FCHO2: variants seen among roughly 807,000 people sequenced by gnomAD.
FCHO2 encodes F-BAR domain only protein 2.
In FCHO2, 43 loss-of-function variants were observed where a neutral mutation model predicts 114.1. That is an observed-to-expected ratio of 0.38 (90% CI 0.30 to 0.49). The LOEUF (loss-of-function observed/expected upper bound fraction) is 0.49. Among genes scored for constraint, FCHO2 ranks in the 20% least tolerant of loss-of-function variants. The pLI, the probability that FCHO2 is intolerant of heterozygous loss-of-function variation, is 0.97. For synonymous variants in FCHO2, 293 were observed against 315.2 expected (o/e 0.93, Z 0.75); for missense variants, 807 against 950.4 (o/e 0.85, Z 1.98).
chr5:73,012,204 A>G (rs113819980), intron 6 of FCHO2, among the ~76,000 whole-genome samples: 2,522 of 152,290 alleles, frequency 0.017, 72 homozygotes, highest in African/African-American at 0.052. Flanking sequence ...ACGTTATGGC[A>G]GCTATGATGT....
chr5:73,047,562 CTT>C (rs200064211), intron 11 of FCHO2, among the ~76,000 whole-genome samples: 23 of 142,222 alleles, frequency 1.6e-4, no homozygotes, highest in East Asian at 4.1e-4. Flanking sequence ...AACTTTTTTC[CTT>C]TTTTTTTTTT....
chr5:73,062,938 C>T (rs1457130962), intron 17 of FCHO2, among the ~76,000 whole-genome samples: 2 of 152,050 alleles, frequency 1.3e-5, no homozygotes, highest in African/African-American at 2.4e-5. Flanking sequence ...TTTCTTCCCA[C>T]CCATTATATT....
At chr5:72,993,667 G>A (rs1163611289) in intron 5 of FCHO2, among the ~76,000 whole-genome samples, 1 of 152,094 alleles carries the variant, frequency 6.6e-6, no homozygotes, top group African/African-American at 2.4e-5. Context: ...TGAATTGCCT[G>A]TACAAACTTC....
intron 24 of FCHO2, among the ~76,000 whole-genome samples, chr5:73,084,924 T>C (rs1743242654): frequency 6.6e-6 from 1 of 152,222 alleles, no homozygotes; most frequent in South Asian, 2.1e-4. Flanking sequence ...CTAGTTTAAA[T>C]TGAAGTAAAC....
At chr5:73,081,147 T>C (rs1285278626) in intron 22 of FCHO2, among the ~76,000 whole-genome samples, 5 of 151,702 alleles carry the variant, frequency 3.3e-5, no homozygotes, top group Middle Eastern at 6.8e-3. Context: ...AGAAAATGAG[T>C]GGTATGGAAA....
intron 24 of FCHO2, among the ~76,000 whole-genome samples, chr5:73,086,651 G>A (rs919042791): frequency 1.3e-5 from 2 of 152,056 alleles, no homozygotes; most frequent in Admixed American, 6.5e-5. Context: ...TTGACTTGCA[G>A]TTGGTCTCCC....
rs375866039 is a variant in FCHO2 at position 73,052,401 on chromosome 5, G to A, written c.1067G>A (p.Arg356Gln). Residue 356 changes from arginine to glutamine, a missense_variant, in exon 13 of 26, where the codon CGG (arginine) becomes CAG (glutamine). Transcript: ENST00000430046. ...GAAGATGAAGAACCAAAGAAGTATC[G>A]GATAGAAATTAAGCCTATGCATCCA... The part of the protein sequence containing the change: ...DSEDEEPKKY[R>Q]IEIKPMHPNN... 23 of 1,606,276 alleles carry A rather than the reference G, an allele frequency of 1.4e-5. No individual in the cohort carries two copies. The highest frequency in any genetic ancestry group is 1.3e-4 in the African/African-American group (10 of 74,820).
chr5:73,000,369 G>C (rs747714562), intron 5 of FCHO2, among the ~76,000 whole-genome samples: 2 of 151,794 alleles, frequency 1.3e-5, no homozygotes, highest in Non-Finnish European at 2.9e-5. Flanking sequence ...TACTCAGGAG[G>C]CTGAGGCAGG....
In FCHO2 at chr5:72,989,491, T is replaced by A; in HGVS notation, c.190T>A (p.Ser64Thr). The part of the protein sequence containing the change: ...TKLAKSASNY[S>T]QLGTFAPVWD... ...ACTAGCAAAATCTGCAAGCAATTATTCACAACTTGGGTGAGTTAATTTCTT... is the reference window on the plus strand; with the variant it reads ...ACTAGCAAAATCTGCAAGCAATTATACACAACTTGGGTGAGTTAATTTCTT... Residue 64 changes from serine to threonine, a missense_variant, in exon 3 of 26, where the codon TCA becomes ACA. Ser to Thr is a moderately conservative substitution (Grantham distance 58). Coordinates refer to ENST00000430046, the MANE Select transcript of FCHO2 (RefSeq NM_138782.3). 6.2e-7 allele frequency: 1 copy of A among 1,601,968 alleles called. No individual in the cohort carries two copies. Among genetic ancestry groups the A allele is most frequent in the Non-Finnish European group, 8.5e-7 (1 of 1,173,728 alleles).
intron 8 of FCHO2, chr5:73,021,140 C>A (rs1561454750): frequency 1.3e-6 from 1 of 780,024 alleles, no homozygotes; most frequent in East Asian, 2.4e-5. Context: ...AGGAAATCTT[C>A]ATGGCTGAGA....
intron 23 of FCHO2, 21 bp from the exon 24 acceptor site, chr5:73,082,740 A>T: frequency 6.3e-7 from 1 of 1,591,224 alleles, no homozygotes; most frequent in East Asian, 2.3e-5. Flanking sequence ...CAAAACCTGA[A>T]GATATCTGTT....
At chr5:73,039,950 AAAAAAAG>A (rs1470700188) in intron 10 of FCHO2, among the ~76,000 whole-genome samples, 1 of 146,642 alleles carries the variant, frequency 6.8e-6, no homozygotes. Flanking sequence ...AAAGAAAAAA[AAAAAAAG>A]AAGAAGAAAG....
At chr5:73,082,035 A>C in intron 23 of FCHO2, 53 bp downstream of exon 23, 1 of 1,353,000 alleles carries the variant, frequency 7.4e-7, no homozygotes, top group Non-Finnish European at 9.7e-7. Context: ...TGCAATCCCC[A>C]ACTTCTAGAA....
chr5:73,017,995 A>G (rs1755396966), intron 8 of FCHO2, among the ~76,000 whole-genome samples: 1 of 152,114 alleles, frequency 6.6e-6, no homozygotes, highest in Admixed American at 6.5e-5. Context: ...AGTCCTCCAG[A>G]TTTCTTTAAT....
intron 18 of FCHO2, among the ~76,000 whole-genome samples, chr5:73,068,152 A>G (rs1007878100): frequency 9.9e-5 from 15 of 152,102 alleles, no homozygotes; most frequent in African/African-American, 2.4e-5. Context: ...AGATAATACT[A>G]AAACCTCCCC....
chr5:72,992,092 A>G (rs1191637922), intron 5 of FCHO2, among the ~76,000 whole-genome samples: 3 of 152,228 alleles, frequency 2.0e-5, no homozygotes, highest in Non-Finnish European at 2.9e-5. Flanking sequence ...CCAATGAAAT[A>G]TGATATATGA....
chr5:72,997,484 T>C lies in FCHO2; in HGVS notation c.495+6620T>C, dbSNP rs945338965. The C allele has an allele frequency of 7.2e-6, 11 of 1,530,456 alleles. No homozygotes were observed. In the African/African-American group the frequency reaches 1.5e-4, roughly 21 times the overall value. 94.8% of individuals were successfully genotyped at this position (1,530,456 alleles called of 1,614,324 possible). ...GATCCTGGCTAACTCTCCAGGGGTT[T>C]ACAGGAGCCATCCAGACAAGGCCAT... On this transcript the variant is annotated intron_variant, in intron 5 of 25. Transcript: ENST00000430046.
intron 2 of FCHO2, among the ~76,000 whole-genome samples, chr5:72,979,083 G>T (rs968659047): frequency 6.6e-6 from 1 of 152,118 alleles, no homozygotes; most frequent in Non-Finnish European, 1.5e-5. Context: ...TTGTGTGTGT[G>T]TGTCTTTGCC....
intron 5 of FCHO2, 79 bp downstream of exon 5, chr5:72,990,943 C>A: frequency 7.0e-7 from 1 of 1,424,786 alleles, no homozygotes; most frequent in Admixed American, 2.6e-5. Context: ...TTAGATCAAA[C>A]TGAAAATTAT....
Sources: allele counts gnomAD v4.1 joint callset (sites outside exome capture counted in the v4.1 genomes callset), GRCh38; gene constraint gnomAD v4.1.1; transcripts MANE v1.5; gene names NCBI Gene and HGNC (gene_info 2026-07-23, HGNC 2026-07-21).